ROBO2: variants seen among roughly 807,000 people sequenced by gnomAD.
ROBO2 encodes roundabout homolog 2.
A neutral mutation model predicts 160.8 loss-of-function variants in ROBO2; 53 were observed. The ratio of observed to expected loss-of-function variants is 0.33; its 90% confidence interval spans 0.26 to 0.41. ROBO2 has a LOEUF of 0.41. Among genes scored for constraint, ROBO2 ranks in the 10% least tolerant of loss-of-function variants. ROBO2 has a pLI of 1.00. For synonymous variants in ROBO2, 664 were observed against 611.7 expected (o/e 1.09, Z -1.26); for missense variants, 1,577 against 1,722.4 (o/e 0.92, Z 1.49).
rs200023945 is a variant in ROBO2, at chr3:76,935,955, A to C, written c.110-162059A>C. Among the ~76,000 whole-genome samples, 11 of 152,320 alleles carry C rather than the reference A, an allele frequency of 7.2e-5. No homozygotes were observed. In the East Asian group the frequency reaches 1.9e-3, roughly 27 times the overall value. ...ATCACATTGGCGATTAGGTTTCAAC[A>C]TAAGAATTTAGGTGGGGAGGGGACA... is the stretch of plus-strand genomic sequence containing the variant. On this transcript the variant is annotated intron_variant, in intron 2 of 26. Transcript: ENST00000487694.
At chr3:77,227,114 G>C (rs2086591339) in intron 2 of ROBO2, among the ~76,000 whole-genome samples, 2 of 151,966 alleles carry the variant, frequency 1.3e-5, no homozygotes, top group South Asian at 4.1e-4. Context: ...TGTAACAGTG[G>C]AAAATATAGG....
chr3:76,074,700 T>C (rs1055773710), intron 2 of ROBO2, among the ~76,000 whole-genome samples: 2 of 152,138 alleles, frequency 1.3e-5, no homozygotes, highest in Non-Finnish European at 2.9e-5. Context: ...AAGTAAAATA[T>C]AAGACTGTTC....
chr3:76,383,571 A>G (rs1337931908), intron 2 of ROBO2, among the ~76,000 whole-genome samples: 1 of 152,200 alleles, frequency 6.6e-6, no homozygotes, highest in East Asian at 1.9e-4. Flanking sequence ...ATTCTGTTCC[A>G]AAGAATGCAT....
chr3:76,894,813 T>C (rs2074637384), intron 2 of ROBO2, among the ~76,000 whole-genome samples: 1 of 152,164 alleles, frequency 6.6e-6, no homozygotes. Flanking sequence ...TTCTGAATCA[T>C]GTGATGGTTT....
intron 2 of ROBO2, among the ~76,000 whole-genome samples, chr3:77,103,455 C>CT (rs1404988344): frequency 1.3e-5 from 2 of 148,458 alleles, no homozygotes; most frequent in Admixed American, 1.4e-4. Flanking sequence ...ACACAAGAAA[C>CT]TTTTCAGATT....
chr3:75,931,586 A>G (rs1387511526), intron 1 of ROBO2, among the ~76,000 whole-genome samples: 1 of 152,158 alleles, frequency 6.6e-6, no homozygotes, highest in African/African-American at 2.4e-5. Flanking sequence ...TCCTGGACTC[A>G]AGTGATTCAT....
At chr3:76,292,458 A>G (rs1708850965) in intron 2 of ROBO2, among the ~76,000 whole-genome samples, 1 of 152,220 alleles carries the variant, frequency 6.6e-6, no homozygotes, top group African/African-American at 2.4e-5. Context: ...AAACTTGACA[A>G]CATATAAGAT....
At chr3:76,105,456 C>G (rs911920813) in intron 2 of ROBO2, among the ~76,000 whole-genome samples, 5 of 152,100 alleles carry the variant, frequency 3.3e-5, no homozygotes, top group Non-Finnish European at 7.4e-5. Flanking sequence ...CAAGCATATC[C>G]ATGCTTTTAC....
intron 2 of ROBO2, among the ~76,000 whole-genome samples, chr3:76,983,140 C>G (rs190173383): frequency 1.1e-4 from 16 of 152,132 alleles, no homozygotes; most frequent in Non-Finnish European, 1.9e-4. Flanking sequence ...AAAAAATTAG[C>G]CGGGCGTGGT....
intron 2 of ROBO2, among the ~76,000 whole-genome samples, chr3:76,623,481 A>C (rs1284493967): frequency 6.6e-6 from 1 of 152,212 alleles, no homozygotes; most frequent in Non-Finnish European, 1.5e-5. Flanking sequence ...ATACAGACGG[A>C]AGCATCCAGG....
At chr3:77,098,722 T>C (rs1475360819) in intron 2 of ROBO2, among the ~76,000 whole-genome samples, 1 of 151,262 alleles carries the variant, frequency 6.6e-6, no homozygotes, top group Non-Finnish European at 1.5e-5. Flanking sequence ...CCGGGCATGG[T>C]GGCGGCGCCT....
chr3:76,935,840 G>T (rs899885916), intron 2 of ROBO2, among the ~76,000 whole-genome samples: 1 of 152,128 alleles, frequency 6.6e-6, no homozygotes, highest in Non-Finnish European at 1.5e-5. Context: ...GCTCTCTGGG[G>T]TCTTTTTTAA....
intron 2 of ROBO2, among the ~76,000 whole-genome samples, chr3:76,386,348 T>A (rs1302913965): frequency 2.8e-5 from 1 of 35,300 alleles, no homozygotes; most frequent in East Asian, 8.4e-4. Flanking sequence ...CCTCCCTCCC[T>A]CCCTCCCTCC....
rs892116776 is a variant in ROBO2 at position 77,441,884 on chromosome 3, A to G, written c.389-35530A>G. Among the ~76,000 whole-genome samples, 9 of 152,312 alleles carry G rather than the reference A, an allele frequency of 5.9e-5. No homozygotes were observed. The South Asian group carries it at 6.2e-4, about 11-fold the overall frequency. ...TGGTCATTTTTTGCTGATGCTTATC[A>G]ACGTTTTGATTATGGAGGAATGAAA... is the stretch of plus-strand genomic sequence containing the variant. On this transcript the variant is annotated intron_variant, in intron 2 of 25. Transcript: ENST00000461745.
At chr3:76,676,466 C>T (rs147293983) in intron 2 of ROBO2, among the ~76,000 whole-genome samples, 6 of 152,170 alleles carry the variant, frequency 3.9e-5, no homozygotes, top group East Asian at 3.9e-4. Flanking sequence ...TTTATAGCAG[C>T]GTGAAAACGG....
At chr3:76,636,870 T>C (rs1427638047) in intron 2 of ROBO2, among the ~76,000 whole-genome samples, 3 of 152,032 alleles carry the variant, frequency 2.0e-5, no homozygotes, top group Non-Finnish European at 4.4e-5. Context: ...TATCTTCCGA[T>C]GTCCCGTAAA....
intron 2 of ROBO2, among the ~76,000 whole-genome samples, chr3:76,593,432 G>A (rs2086545020): frequency 6.6e-6 from 1 of 152,014 alleles, no homozygotes; most frequent in South Asian, 2.1e-4. Flanking sequence ...GATCTTGATG[G>A]CATCTGCAAG....
intron 2 of ROBO2, among the ~76,000 whole-genome samples, chr3:76,999,327 G>A (rs898235314): frequency 7.9e-5 from 12 of 152,060 alleles, no homozygotes; most frequent in Non-Finnish European, 1.3e-4. Flanking sequence ...AGGTTATTAC[G>A]AAATAAAAGC....
At chr3:76,914,349 A>T (rs2148950447) in intron 2 of ROBO2, among the ~76,000 whole-genome samples, 1 of 152,320 alleles carries the variant, frequency 6.6e-6, no homozygotes, top group East Asian at 1.9e-4. Flanking sequence ...AAACTTTTAG[A>T]ATTAAAATAC....
Sources: gnomAD v4.1 joint callset for allele counts (sites outside exome capture counted in the v4.1 genomes callset) on GRCh38, gnomAD v4.1.1 for gene constraint, MANE v1.5 for transcripts, NCBI Gene and HGNC (gene_info 2026-07-23, HGNC 2026-07-21) for gene names.